Variants in MMUT observed in about 807,000 individuals in gnomAD.
The protein encoded by MMUT is methylmalonyl-CoA mutase, mitochondrial.
A neutral mutation model predicts 79.9 loss-of-function variants in MMUT; 79 were observed. The observed-to-expected ratio is 0.99, with a 90% confidence interval of 0.82 to 1.19. The LOEUF (loss-of-function observed/expected upper bound fraction) is 1.19, where lower values mean the gene tolerates loss of function less well. Ranked by LOEUF, MMUT falls within the 50% of genes most tolerant of loss-of-function variation. The pLI is 0.00. For missense variants in MMUT, 860 were observed against 917.2 expected, an observed-to-expected ratio of 0.94 and a Z score of 0.81; for synonymous variants, 273 against 295.7, an observed-to-expected ratio of 0.92 and a Z score of 0.79.
At position 49,453,039 on chromosome 6, in the gene MMUT, G is replaced by GTT. The variant is rs5876116; in HGVS notation, c.1083+544_1083+545dup. On this transcript the variant is annotated intron_variant, in intron 5 of 12. Transcript: ENST00000274813. ...CAAATTCTGTTTTCTTTCTTTCTTT[G>GTT]TTTTTTTTTTTTTTTTTTTTAGACG... 4.0e-3 allele frequency among the ~76,000 whole-genome samples: 470 copies of GTT among 116,152 alleles called. 9 individuals are homozygous for GTT. The highest frequency in any genetic ancestry group is 0.024 in the South Asian group (83 of 3,470). 76.2% of individuals were successfully genotyped at this position (116,152 alleles called of 152,430 possible).
chr6:49,453,039 G>C (rs1266064945), intron 5 of MMUT, among the ~76,000 whole-genome samples: 1 of 116,192 alleles, frequency 8.6e-6, no homozygotes, highest in African/African-American at 3.1e-5. Flanking sequence ...TTCTTTCTTT[G>C]TTTTTTTTTT....
intron 10 of MMUT, among the ~76,000 whole-genome samples, 154 bp downstream of exon 10, chr6:49,441,686 T>C (rs939210414): frequency 3.4e-5 from 5 of 148,826 alleles, no homozygotes; most frequent in Non-Finnish European, 7.4e-5. Context: ...ATATGTTATA[T>C]AGTCTATATA....
In MMUT at chr6:49,459,232, T is replaced by C. The variant is rs751177187; in HGVS notation, c.235A>G (p.Met79Val). ...CCTGGAAGTTCTTCAGGTAAGTCCA[T>C]AGTATCTCTCTTGGAATACAAGGGT... is the stretch of plus-strand genomic sequence containing the variant. ...IKPLYSKRDT[M>V]DLPEELPGVK... Residue 79 changes from methionine to valine, a missense_variant, in exon 2 of 13, where the codon ATG (methionine) becomes GTG (valine). Met to Val is a conservative substitution (Grantham distance 21). Transcript: ENST00000274813. The C allele has an allele frequency of 1.5e-5, 25 of 1,614,066 alleles. No individual in the cohort carries two copies. Among genetic ancestry groups the C allele is most frequent in the Middle Eastern group, 1.6e-4 (1 of 6,084 alleles).
chr6:49,458,986 G>A, intron 2 of MMUT, 96 bp downstream of exon 2: 3 of 1,235,950 alleles, frequency 2.4e-6, no homozygotes, highest in Non-Finnish European at 3.4e-6. Context: ...AAATTATAGA[G>A]TGAATATCAT....
intron 11 of MMUT, among the ~76,000 whole-genome samples, chr6:49,437,250 C>T (rs1217649331): frequency 6.6e-6 from 1 of 151,920 alleles, no homozygotes; most frequent in Non-Finnish European, 1.5e-5. Flanking sequence ...TTTCTGAAAA[C>T]AATAACTCAA....
chr6:49,452,309 G>GTATT (rs1178136443), intron 5 of MMUT, among the ~76,000 whole-genome samples: 2 of 152,006 alleles, frequency 1.3e-5, no homozygotes, highest in East Asian at 1.9e-4. Flanking sequence ...ATTTCTCCAT[G>GTATT]TATTTATTTA....
intron 6 of MMUT, among the ~76,000 whole-genome samples, chr6:49,449,741 T>A (rs1043159159): frequency 2.0e-5 from 3 of 151,962 alleles, no homozygotes; most frequent in African/African-American, 7.2e-5. Context: ...TCAGAAAATA[T>A]CATGAATTCA....
At chr6:49,453,893 TG>T in intron 4 of MMUT, 137 bp from the exon 5 acceptor site, 2 of 719,298 alleles carry the variant, frequency 2.8e-6, no homozygotes, top group Non-Finnish European at 4.5e-6. Context: ...TTAAGATCAG[TG>T]CACGTACATT....
chr6:49,432,983 T>A (rs1366746067), intron 12 of MMUT, among the ~76,000 whole-genome samples: 2 of 152,232 alleles, frequency 1.3e-5, no homozygotes, highest in African/African-American at 4.8e-5. Context: ...GTCTCTATTA[T>A]ATACTTGTAA....
intron 5 of MMUT, among the ~76,000 whole-genome samples, chr6:49,452,847 C>T (rs6458692): frequency 0.22 from 33,086 of 151,836 alleles, 3,789 homozygotes; most frequent in South Asian, 0.28. Flanking sequence ...CAAGTAAAAA[C>T]AGTCTTTAAA....
intron 2 of MMUT, among the ~76,000 whole-genome samples, chr6:49,458,670 C>G (rs532847064): frequency 6.6e-6 from 1 of 152,278 alleles, no homozygotes. Flanking sequence ...AGATAATTTT[C>G]AGTGAATGAA....
intron 5 of MMUT, among the ~76,000 whole-genome samples, chr6:49,453,039 G>T (rs1266064945): frequency 7.1e-4 from 82 of 116,040 alleles, no homozygotes; most frequent in East Asian, 2.0e-3. Flanking sequence ...TTCTTTCTTT[G>T]TTTTTTTTTT....
intron 9 of MMUT, 43 bp from the exon 10 acceptor site, chr6:49,442,014 G>A (rs1188805666): frequency 1.3e-6 from 2 of 1,559,008 alleles, no homozygotes; most frequent in East Asian, 2.3e-5. Context: ...ATTATTTTGT[G>A]ATAAAGATAT....
At position 49,430,402 on chromosome 6, in the gene MMUT, C is replaced by T. The variant is rs9381784; in HGVS notation, c.*1326G>A. 0.3 allele frequency: 46,082 copies of T among 151,956 alleles called. 8,955 individuals carry two copies. Among genetic ancestry groups the T allele is most frequent in the East Asian group, 0.54 (2,773 of 5,140 alleles). The allele number at this position is 151,956 out of a possible 1,614,324, so 9.4% of individuals were successfully genotyped here. On this transcript the variant is annotated 3_prime_UTR_variant, in exon 13 of 13. Coordinates refer to ENST00000274813, the MANE Select transcript of MMUT (RefSeq NM_000255.4). ...AGTTTATTTCACATGTCACCCAGCACGCAACTGAACACATCACAGAAACCA... is the reference window on the plus strand; with the variant it reads ...AGTTTATTTCACATGTCACCCAGCATGCAACTGAACACATCACAGAAACCA...
At chr6:49,444,576 C>G in intron 9 of MMUT, 63 bp downstream of exon 9, 2 of 1,352,586 alleles carry the variant, frequency 1.5e-6, no homozygotes, top group South Asian at 2.3e-5. Flanking sequence ...TTTAAGTATA[C>G]TCTGAAAAGC....
intron 8 of MMUT, among the ~76,000 whole-genome samples, chr6:49,445,830 G>GA (rs1450571283): frequency 6.6e-6 from 1 of 151,848 alleles, no homozygotes; most frequent in Non-Finnish European, 1.5e-5. Flanking sequence ...TTTAGAGCAA[G>GA]AAAAAACTCA....
At chr6:49,436,787 A>C (rs536706723) in intron 11 of MMUT, among the ~76,000 whole-genome samples, 1 of 152,232 alleles carries the variant, frequency 6.6e-6, no homozygotes, top group South Asian at 2.1e-4. Flanking sequence ...CCTTTGCAGG[A>C]ACATGGATGA....
Position 49,451,627 on chromosome 6 carries a change from C to T in MMUT, c.1171G>A (p.Asp391Asn). The change falls in exon 6 of 13, where the codon GAT (aspartate) becomes AAT (asparagine). Residue 391 changes from aspartate (D) to asparagine (N), a missense_variant. By Grantham distance (23) the Asp-to-Asn change is conservative. Transcript: ENST00000274813. ...GTQSLHTNSFDEALGLPTVKS... is the reference protein window; with the variant it reads ...GTQSLHTNSFNEALGLPTVKS... Reference sequence around the variant, plus strand: ...ACAGTTGGCAAACCCAAAGCTTCATCAAAAGAATTTGTGTGCAAAGACTGA... The same window carrying T: ...ACAGTTGGCAAACCCAAAGCTTCATTAAAAGAATTTGTGTGCAAAGACTGA... The T allele has an allele frequency of 1.2e-6, 2 of 1,614,100 alleles. No individual in the cohort carries two copies. The highest frequency in any genetic ancestry group is 1.7e-6 in the Non-Finnish European group (2 of 1,180,000).
At chr6:49,451,104 A>C (rs908588844) in intron 6 of MMUT, among the ~76,000 whole-genome samples, 4 of 152,148 alleles carry the variant, frequency 2.6e-5, no homozygotes, top group Non-Finnish European at 5.9e-5. Flanking sequence ...TGTGATTTTA[A>C]ACTATGCAGA....
Sources: gnomAD v4.1 joint callset for allele counts (sites outside exome capture counted in the v4.1 genomes callset) on GRCh38, gnomAD v4.1.1 for gene constraint, MANE v1.5 for transcripts, NCBI Gene and HGNC (gene_info 2026-07-23, HGNC 2026-07-21) for gene names.